The following NKAIN3 variants were observed in gnomAD, a reference collection of about 807,000 sequenced individuals.
The protein encoded by NKAIN3 is sodium/potassium-transporting ATPase subunit beta-1-interacting protein 3.
Under a neutral mutation model 30.2 loss-of-function variants are expected in NKAIN3, and 25 were observed. The ratio of observed to expected loss-of-function variants is 0.83; its 90% confidence interval spans 0.60 to 1.16. The LOEUF is 1.16. Ranked by LOEUF, NKAIN3 falls within the 50% of genes most tolerant of loss-of-function variation. The pLI is 0.00. For synonymous variants in NKAIN3, 91 were observed against 89.6 expected, an observed-to-expected ratio of 1.02 and a Z score of -0.09; for missense variants, 225 against 254.1, an observed-to-expected ratio of 0.89 and a Z score of 0.78.
rs180750420 is a variant in NKAIN3 at position 62,427,178 on chromosome 8, A to G, written c.55-152361A>G. 1.5e-3 allele frequency among the ~76,000 whole-genome samples: 221 copies of G among 152,196 alleles called. 1 individual carries two copies. Among genetic ancestry groups the G allele is most frequent in the African/African-American group, 5.1e-3 (214 of 41,564 alleles). The stretch of plus-strand genomic sequence containing the variant: ...AAGAGATTACTTTCTTGTCAAAATT[A>G]CTAACAGGTTAACTGTAAATTTAAA... On this transcript the variant is annotated intron_variant, in intron 1 of 6. Transcript: ENST00000623646.
chr8:62,651,398 T>C (rs1812614590), intron 3 of NKAIN3, among the ~76,000 whole-genome samples: 1 of 152,212 alleles, frequency 6.6e-6, no homozygotes. Context: ...CATTACTCTC[T>C]AATCTTCATC....
At chr8:62,845,569 T>C (rs970186817) in intron 4 of NKAIN3, among the ~76,000 whole-genome samples, 59 of 152,094 alleles carry the variant, frequency 3.9e-4, no homozygotes, top group African/African-American at 1.3e-3. Flanking sequence ...ATAACTGATG[T>C]AGCTTACACA....
At chr8:62,517,182 A>G (rs972061301) in intron 1 of NKAIN3, among the ~76,000 whole-genome samples, 3 of 152,178 alleles carry the variant, frequency 2.0e-5, no homozygotes, top group African/African-American at 7.2e-5. Context: ...TCATGGCAGC[A>G]ATATTTTTCT....
intron 1 of NKAIN3, among the ~76,000 whole-genome samples, chr8:62,565,466 T>A (rs936170657): frequency 7.2e-5 from 11 of 152,130 alleles, no homozygotes; most frequent in African/African-American, 2.4e-4. Flanking sequence ...AAGTTTCTAT[T>A]ATTTTCCTGA....
chr8:62,508,739 T>A (rs1447248159), intron 1 of NKAIN3, among the ~76,000 whole-genome samples: 2 of 152,192 alleles, frequency 1.3e-5, no homozygotes, highest in African/African-American at 4.8e-5. Flanking sequence ...GGATTTTCTT[T>A]CAGAATGGTG....
intron 3 of NKAIN3, among the ~76,000 whole-genome samples, chr8:62,716,542 A>G (rs1161903679): frequency 6.6e-6 from 1 of 152,196 alleles, no homozygotes; most frequent in Non-Finnish European, 1.5e-5. Context: ...AACACATATT[A>G]GCGAGAACAT....
chr8:62,788,644 C>A lies in NKAIN3; in HGVS notation c.471+41515C>A, dbSNP rs1817602243. Reference sequence around the variant, plus strand: ...TCCTGAATGGTATTGACTAGGTTTTCTTCTAGGGTTTTTATGGTTTTAGGT... The same window carrying A: ...TCCTGAATGGTATTGACTAGGTTTTATTCTAGGGTTTTTATGGTTTTAGGT... On this transcript the variant is annotated intron_variant, in intron 4 of 6. Coordinates refer to ENST00000623646, the MANE Select transcript of NKAIN3 (RefSeq NM_001304533.3). 2.0e-5 allele frequency among the ~76,000 whole-genome samples: 3 copies of A among 150,882 alleles called. No individual in the cohort carries two copies. The South Asian group carries it at 6.3e-4, about 32-fold the overall frequency.
At chr8:62,915,361 G>T (rs1189876637) in intron 4 of NKAIN3, among the ~76,000 whole-genome samples, 1 of 152,148 alleles carries the variant, frequency 6.6e-6, no homozygotes, top group African/African-American at 2.4e-5. Context: ...GGACAGGAAG[G>T]CAGGGGAGGA....
intron 1 of NKAIN3, among the ~76,000 whole-genome samples, chr8:62,472,437 A>G (rs895842401): frequency 6.6e-6 from 1 of 152,172 alleles, no homozygotes; most frequent in South Asian, 2.1e-4. Flanking sequence ...GGGTAACACT[A>G]TCTGGAGGAT....
At chr8:62,367,160 A>T (rs1225240015) in intron 1 of NKAIN3, among the ~76,000 whole-genome samples, 1 of 152,214 alleles carries the variant, frequency 6.6e-6, no homozygotes, top group Non-Finnish European at 1.5e-5. Flanking sequence ...AACAATGTGT[A>T]TTCTGCTGCT....
At chr8:62,913,031 C>T (rs1408731919) in intron 4 of NKAIN3, among the ~76,000 whole-genome samples, 2 of 152,130 alleles carry the variant, frequency 1.3e-5, no homozygotes, top group East Asian at 1.9e-4. Flanking sequence ...TCCTCTTTCA[C>T]GGGAAGGTGT....
At chr8:62,957,377 G>A (rs748161337) in intron 6 of NKAIN3, among the ~76,000 whole-genome samples, 2 of 152,120 alleles carry the variant, frequency 1.3e-5, no homozygotes, top group Admixed American at 6.5e-5. Context: ...CTTGTGATCC[G>A]CCCCCTTCGG....
intron 3 of NKAIN3, among the ~76,000 whole-genome samples, chr8:62,698,079 G>A (rs1202753671): frequency 6.7e-6 from 1 of 148,560 alleles, no homozygotes; most frequent in East Asian, 1.9e-4. Context: ...TAATCATAAA[G>A]TGGATCTAAA....
intron 5 of NKAIN3, among the ~76,000 whole-genome samples, chr8:62,996,396 G>A (rs1043676162): frequency 3.3e-5 from 5 of 151,932 alleles, no homozygotes; most frequent in East Asian, 3.9e-4. Flanking sequence ...ACCTCCCATC[G>A]GGTCCCTCCC....
intron 4 of NKAIN3, among the ~76,000 whole-genome samples, chr8:62,852,433 T>A (rs1169644586): frequency 1.3e-5 from 2 of 152,110 alleles, no homozygotes; most frequent in African/African-American, 4.8e-5. Flanking sequence ...TTTTGAAGGG[T>A]TTTTTCTGTC....
At chr8:62,321,893 C>T (rs563372525) in intron 1 of NKAIN3, among the ~76,000 whole-genome samples, 51 of 152,296 alleles carry the variant, frequency 3.3e-4, no homozygotes, top group African/African-American at 1.2e-3. Context: ...GAGATTTCTA[C>T]TGCGTTTTGT....
intron 3 of NKAIN3, among the ~76,000 whole-genome samples, chr8:62,674,878 C>A (rs139236902): frequency 6.6e-6 from 1 of 152,126 alleles, no homozygotes; most frequent in Admixed American, 6.5e-5. Flanking sequence ...ATCACAAAAC[C>A]GCCACGTAAG....
chr8:62,814,472 TAGTTGGA>T (rs1818609525), intron 4 of NKAIN3, among the ~76,000 whole-genome samples: 1 of 151,926 alleles, frequency 6.6e-6, no homozygotes, highest in Admixed American at 6.6e-5. Flanking sequence ...ATCGACCACA[TAGTTGGA>T]AGTAAAGCTC....
chr8:62,287,843 A>T (rs1813429801), intron 1 of NKAIN3, among the ~76,000 whole-genome samples: 2 of 152,074 alleles, frequency 1.3e-5, no homozygotes, highest in Non-Finnish European at 2.9e-5. Context: ...CTCTACTGTG[A>T]TCTTCCTGCA....
Sources: gnomAD v4.1 joint callset for allele counts (sites outside exome capture counted in the v4.1 genomes callset) on GRCh38, gnomAD v4.1.1 for gene constraint, MANE v1.5 for transcripts, NCBI Gene and HGNC (gene_info 2026-07-23, HGNC 2026-07-21) for gene names.